GK3: variants seen among roughly 807,000 people sequenced by gnomAD.
GK3 encodes glycerol kinase 3, also known as glycerol kinase 3 pseudogene.
the GK3 span, chr4:165,278,566 G>C: frequency 6.2e-7 from 1 of 1,609,966 alleles, no homozygotes; most frequent in Middle Eastern, 1.7e-4. Flanking sequence ...ATGCTGGGAC[G>C]AAGTAGCAGC....
the GK3 span, chr4:165,279,689 G>A: frequency 6.5e-7 from 1 of 1,538,796 alleles, no homozygotes; most frequent in South Asian, 1.1e-5. Context: ...CGGTTTCCTG[G>A]GTGACGGCGG....
chr4:165,278,632 A>G, the GK3 span: 1 of 1,591,772 alleles, frequency 6.3e-7, no homozygotes, highest in Non-Finnish European at 8.6e-7. Flanking sequence ...AGGTCTTTAT[A>G]ATTCCAAGAT....
chr4:165,278,886 A>C, the GK3 span: 2 of 1,447,126 alleles, frequency 1.4e-6, no homozygotes, highest in Non-Finnish European at 1.9e-6. Flanking sequence ...AAACACCCAG[A>C]TATTGGCACA....
chr4:165,279,612 A>G, the GK3 span: 27 of 1,611,142 alleles, frequency 1.7e-5, no homozygotes, highest in African/African-American at 2.7e-5. Flanking sequence ...GCCCCCACCA[A>G]TGGCCCCAAA....
the GK3 span, chr4:165,278,431 T>C: frequency 6.7e-7 from 1 of 1,482,828 alleles, no homozygotes; most frequent in African/African-American, 1.4e-5. Flanking sequence ...CCAAAATCTC[T>C]CGAGTTTGGA....
At chr4:165,279,451 A>G in the GK3 span, 3 of 1,600,296 alleles carry the variant, frequency 1.9e-6, no homozygotes, top group Non-Finnish European at 2.6e-6. Context: ...CTATACACTC[A>G]TAGACAGAAT....
At chr4:165,279,119 C>G in the GK3 span, 2 of 1,599,782 alleles carry the variant, frequency 1.3e-6, no homozygotes, top group Non-Finnish European at 1.7e-6. Flanking sequence ...ATCAATAGTC[C>G]CAAAAAGAGC....
chr4:165,279,341 T>G, the GK3 span: 2 of 1,577,050 alleles, frequency 1.3e-6, no homozygotes, highest in Non-Finnish European at 1.7e-6. Flanking sequence ...TCCAGTTATC[T>G]TGTCCCAGAC....
the GK3 span, chr4:165,277,929 T>G: frequency 1.1e-6 from 1 of 916,556 alleles, no homozygotes; most frequent in Non-Finnish European, 1.8e-6. Flanking sequence ...ATTGCTGGGT[T>G]GTTCTTTCAT....
chr4:165,279,636 A>T, the GK3 span: 1 of 1,611,072 alleles, frequency 6.2e-7, no homozygotes, highest in African/African-American at 1.3e-5. Context: ...GCCTTCTTTG[A>T]GGCTGCCATG....
the GK3 span, chr4:165,278,130 C>T: frequency 1.3e-6 from 2 of 1,543,224 alleles, no homozygotes; most frequent in Non-Finnish European, 1.8e-6. Flanking sequence ...TTCATCACAG[C>T]TTTCTTCCAT....
chr4:165,279,315 C>T, the GK3 span: 32 of 1,555,000 alleles, frequency 2.1e-5, no homozygotes, highest in Non-Finnish European at 5.3e-6. Context: ...CACACCACAG[C>T]ATTGTAGAGA....
the GK3 span, chr4:165,279,285 A>G: frequency 6.5e-6 from 10 of 1,540,726 alleles, no homozygotes; most frequent in Admixed American, 3.3e-5. Context: ...TCAACGGTAG[A>G]CTGTGTTCTT....
chr4:165,279,122 A>G, the GK3 span: 95 of 1,601,048 alleles, frequency 5.9e-5, no homozygotes, highest in Non-Finnish European at 7.7e-5. Flanking sequence ...AATAGTCCCA[A>G]AAAGAGCTCG....
the GK3 span, chr4:165,279,260 C>A: frequency 6.5e-6 from 10 of 1,535,138 alleles, no homozygotes; most frequent in African/African-American, 6.8e-5. Flanking sequence ...TCCTGGAATT[C>A]TTTTACTAAG....
chr4:165,278,501 C>T, the GK3 span: 1 of 1,600,918 alleles, frequency 6.2e-7, no homozygotes, highest in African/African-American at 1.3e-5. Flanking sequence ...TTGAGTGAGT[C>T]CACAGATTAT....
the GK3 span, chr4:165,278,645 T>C: frequency 6.3e-7 from 1 of 1,595,628 alleles, no homozygotes; most frequent in Admixed American, 1.7e-5. Context: ...TCCAAGATTG[T>C]CTCTTAGCCA....
At chr4:165,278,894 A>G in the GK3 span, 10 of 1,424,110 alleles carry the variant, frequency 7.0e-6, no homozygotes, top group Non-Finnish European at 9.9e-6. Context: ...AGATATTGGC[A>G]CACCTTCCAA....
chr4:165,278,616 C>T, the GK3 span: 2 of 1,589,254 alleles, frequency 1.3e-6, no homozygotes, highest in East Asian at 2.2e-5. Context: ...TTTTCAATTT[C>T]TTCTGAGGTC....
Sources: gnomAD v4.1 joint callset for allele counts on GRCh38, gnomAD v4.1.1 for gene constraint, MANE v1.5 for transcripts, NCBI Gene and HGNC (gene_info 2026-07-23, HGNC 2026-07-21) for gene names.